The following PSKH1 variants were observed in gnomAD, a reference collection of about 807,000 sequenced individuals.
PSKH1 encodes the protein serine/threonine-protein kinase H1.
In PSKH1, 12 loss-of-function variants were observed where a neutral mutation model predicts 26.7. The observed-to-expected ratio is 0.45, with a 90% CI of 0.29 to 0.73. The LOEUF (loss-of-function observed/expected upper bound fraction) is 0.73. Among genes scored for constraint, PSKH1 ranks in the 30% least tolerant of loss-of-function variants. The pLI, the probability that PSKH1 is intolerant of heterozygous loss-of-function variation, is 0.11. For synonymous variants in PSKH1, 213 were observed against 234.3 expected, an observed-to-expected ratio of 0.91 and a Z score of 0.83; for missense variants, 431 against 595.2, an observed-to-expected ratio of 0.72 and a Z score of 2.87.
intron 2 of PSKH1, among the ~76,000 whole-genome samples, chr16:67,913,700 C>G (rs937862907): frequency 6.6e-6 from 1 of 152,202 alleles, no homozygotes; most frequent in Non-Finnish European, 1.5e-5. Flanking sequence ...GTGGCAGAGG[C>G]TGGTACTTCT....
intron 1 of PSKH1, among the ~76,000 whole-genome samples, chr16:67,904,285 A>G (rs1374540023): frequency 4.0e-5 from 6 of 151,044 alleles, no homozygotes; most frequent in Non-Finnish European, 7.4e-5. Flanking sequence ...GCTCGCTGCA[A>G]CCTCTGCCTC....
In PSKH1 at chr16:67,909,528, C is replaced by T. The variant is rs1180232058; in HGVS notation, c.779C>T (p.Thr260Met). 3.1e-6 allele frequency: 5 copies of T among 1,613,834 alleles called. No individual in the cohort carries two copies. The highest frequency in any genetic ancestry group is 1.3e-5 in the African/African-American group (1 of 75,048). The change falls in exon 2 of 3, where the codon ACG becomes ATG. Residue 260 changes from threonine to methionine, a missense_variant. By Grantham distance (81) the Thr-to-Met change is moderately conservative (BLOSUM62 -1). Coordinates refer to ENST00000291041, the MANE Select transcript of PSKH1 (RefSeq NM_006742.3). The surrounding 1 kb of genome is among the most constrained non-coding windows in gnomAD (Gnocchi z 7.8). ...TGCTTGATGAAGACCACCTGTGGCA[C>T]GCCTGAGTACATTGCCCCAGAAGTC... is the stretch of plus-strand genomic sequence containing the variant. ...DDCLMKTTCG[T>M]PEYIAPEVLV...
chr16:67,911,517 T>A lies in PSKH1; in HGVS notation c.957+1811T>A, dbSNP rs58784844. On this transcript the variant is annotated intron_variant, in intron 2 of 2. Coordinates refer to ENST00000291041, the MANE Select transcript of PSKH1 (RefSeq NM_006742.3). Reference sequence around the variant, plus strand: ...GGCCAACATGGTGAAACCTCCTCTTTACTAAAAACACAAAATTAGCCGGGT... The same window carrying A: ...GGCCAACATGGTGAAACCTCCTCTTAACTAAAAACACAAAATTAGCCGGGT... 5.9e-3 allele frequency among the ~76,000 whole-genome samples: 898 copies of A among 152,264 alleles called. 10 individuals carry two copies. The highest frequency in any genetic ancestry group is 0.021 in the African/African-American group (853 of 41,548).
chr16:67,895,122 C>T (rs1283522323), intron 1 of PSKH1, among the ~76,000 whole-genome samples: 2 of 151,910 alleles, frequency 1.3e-5, no homozygotes, highest in Non-Finnish European at 2.9e-5. Context: ...GGTGTTTCAC[C>T]GTGTTGGCCA....
chr16:67,914,826 T>C (rs1282995117), intron 2 of PSKH1, among the ~76,000 whole-genome samples: 2 of 152,134 alleles, frequency 1.3e-5, no homozygotes, highest in Non-Finnish European at 1.5e-5. Context: ...GAGCACTGCA[T>C]GGTGCCAGGC....
Position 67,909,883 on chromosome 16 carries a change from C to T in PSKH1, c.957+177C>T. On this transcript the variant is annotated intron_variant, in intron 2 of 2. Transcript: ENST00000291041. The surrounding 1 kb of genome is among the most constrained non-coding windows in gnomAD (Gnocchi z 7.8). ...GTAGTTTGGGTTCCCTCAAGGTGAG[C>T]CCTGAGACAAGGACTTGGGAGCAGA... The T allele has an allele frequency of 1.6e-6, 1 of 623,068 alleles. No individual in the cohort carries two copies. Among genetic ancestry groups the T allele is most frequent in the Non-Finnish European group, 2.8e-6 (1 of 357,732 alleles). 38.6% of individuals were successfully genotyped at this position (623,068 alleles called of 1,614,324 possible).
At chr16:67,910,523 C>G (rs1263549859) in intron 2 of PSKH1, among the ~76,000 whole-genome samples, 1 of 152,184 alleles carries the variant, frequency 6.6e-6, no homozygotes, top group Non-Finnish European at 1.5e-5. Context: ...GAGTCTTGCT[C>G]TGTTGCCCAG....
intron 2 of PSKH1, among the ~76,000 whole-genome samples, chr16:67,923,118 TC>T (rs1567402052): frequency 6.6e-6 from 1 of 152,104 alleles, no homozygotes; most frequent in East Asian, 1.9e-4. Context: ...GTGCTGCCTC[TC>T]CCTCTCCAGG....
intron 1 of PSKH1, among the ~76,000 whole-genome samples, chr16:67,899,405 G>A (rs988171250): frequency 8.4e-5 from 12 of 143,028 alleles, no homozygotes; most frequent in African/African-American, 2.9e-4. Flanking sequence ...GCGCAATCTC[G>A]GCTCACTGCA....
intron 1 of PSKH1, among the ~76,000 whole-genome samples, chr16:67,903,748 C>T (rs746200803): frequency 6.6e-5 from 10 of 151,734 alleles, no homozygotes; most frequent in Admixed American, 2.0e-4. Flanking sequence ...GTGCAAGGGA[C>T]GGGGTGCTGT....
chr16:67,926,934 TC>T (rs914014197), intron 2 of PSKH1, among the ~76,000 whole-genome samples: 3 of 152,170 alleles, frequency 2.0e-5, no homozygotes, highest in Non-Finnish European at 4.4e-5. Flanking sequence ...ATCCTGGTCA[TC>T]CAGAGATTGG....
intron 1 of PSKH1, among the ~76,000 whole-genome samples, chr16:67,900,302 G>A (rs1263835218): frequency 6.6e-6 from 1 of 152,140 alleles, no homozygotes; most frequent in East Asian, 1.9e-4. Context: ...AATTTGATAA[G>A]TACCAAGGGA....
At position 67,909,622 on chromosome 16, in the gene PSKH1, C is replaced by T. The variant is rs372029690; in HGVS notation, c.873C>T (p.Leu291=). ...TGGGCGTCATTGCCTACATCCTACT[C>T]AGTGGCACCATGCCGTTTGAGGATG... is the stretch of plus-strand genomic sequence containing the variant. ...WALGVIAYIL[L]SGTMPFEDDN... is the part of the protein sequence containing the mutation. Residue 291 remains leucine, a synonymous_variant, in exon 2 of 3, where the codon CTC becomes CTT. Coordinates refer to ENST00000291041, the MANE Select transcript of PSKH1 (RefSeq NM_006742.3). This position sits in a 1 kb window ranked among gnomAD's most constrained non-coding sequence, Gnocchi z 7.8. 1.9e-6 allele frequency: 3 copies of T among 1,614,064 alleles called. No homozygotes were observed. The highest frequency in any genetic ancestry group is 1.7e-5 in the Admixed American group (1 of 60,024).
intron 1 of PSKH1, among the ~76,000 whole-genome samples, chr16:67,904,050 C>G (rs2058149147): frequency 6.8e-6 from 1 of 147,924 alleles, no homozygotes; most frequent in African/African-American, 2.5e-5. Flanking sequence ...GAGTCTTGCT[C>G]TGTTGCCCAG....
intron 2 of PSKH1, among the ~76,000 whole-genome samples, chr16:67,917,555 C>G (rs905074283): frequency 8.5e-5 from 13 of 152,232 alleles, no homozygotes; most frequent in African/African-American, 2.9e-4. Flanking sequence ...GGAATTTTCT[C>G]TTGGCTTCTC....
chr16:67,898,041 G>C (rs1029086221), intron 1 of PSKH1, among the ~76,000 whole-genome samples: 2 of 151,974 alleles, frequency 1.3e-5, no homozygotes, highest in Non-Finnish European at 1.5e-5. Flanking sequence ...TAGTAGAGAC[G>C]GGGTTTCACT....
Position 67,908,714 on chromosome 16 carries a change from G to T in PSKH1, c.-36G>T. On this transcript the variant is annotated 5_prime_UTR_variant, in exon 2 of 3. Transcript: ENST00000291041. ...GGGCACTGCCTTCAGAGCAGGTCCT[G>T]CCAGCCTCGCTGGAGAGGATGCCCT... The T allele has an allele frequency of 6.5e-7, 1 of 1,539,614 alleles. No individual in the cohort carries two copies. Among genetic ancestry groups the T allele is most frequent in the South Asian group, 1.2e-5 (1 of 81,044 alleles).
In PSKH1 at chr16:67,909,323, G is replaced by A. The variant is rs775902065; in HGVS notation, c.574G>A (p.Glu192Lys). 3.1e-6 allele frequency: 5 copies of A among 1,613,804 alleles called. No homozygotes were observed. The highest frequency in any genetic ancestry group is 3.3e-5 in the Admixed American group (2 of 59,970). ...CATCATTGCCAAGGGCTCCTTCACC[G>A]AGCGTGACGCCACGCGGGTGCTGCA... The part of the protein sequence containing the change: ...DRIIAKGSFT[E>K]RDATRVLQMV... The change falls in exon 2 of 3, where the codon GAG becomes AAG. Residue 192 changes from glutamate to lysine, a missense_variant. Coordinates refer to ENST00000291041, the MANE Select transcript of PSKH1 (RefSeq NM_006742.3). The surrounding 1 kb of genome is among the most constrained non-coding windows in gnomAD (Gnocchi z 7.8).
chr16:67,911,514 CT>C (rs2058173181), intron 2 of PSKH1, among the ~76,000 whole-genome samples: 1 of 152,222 alleles, frequency 6.6e-6, no homozygotes, highest in Non-Finnish European at 1.5e-5. Flanking sequence ...GAAACCTCCT[CT>C]TTACTAAAAA....
Sources: gnomAD v4.1 joint callset for allele counts (sites outside exome capture counted in the v4.1 genomes callset) on GRCh38, gnomAD v4.1.1 for gene constraint, Gnocchi (gnomAD v3.1) non-coding constraint, MANE v1.5 for transcripts, NCBI Gene and HGNC (gene_info 2026-07-23, HGNC 2026-07-21) for gene names.